The following CDK14 variants were observed in gnomAD, a reference collection of about 807,000 sequenced individuals.
CDK14 encodes cyclin-dependent kinase 14.
Under a neutral mutation model 60.7 loss-of-function variants are expected in CDK14, and 34 were observed. That is an observed-to-expected ratio of 0.56 (90% confidence interval 0.43 to 0.75). CDK14 has a LOEUF of 0.75. CDK14 is among the 30% of genes least tolerant of loss of function. The pLI, the probability that CDK14 is intolerant of heterozygous loss-of-function variation, is 0.00. For synonymous variants in CDK14, 197 were observed against 203.7 expected (o/e 0.97, Z 0.28); for missense variants, 482 against 564.1 (o/e 0.85, Z 1.47).
chr7:90,838,971 A>G (rs756896907), intron 5 of CDK14, among the ~76,000 whole-genome samples: 20 of 152,108 alleles, frequency 1.3e-4, no homozygotes, highest in Admixed American at 2.6e-4. Context: ...GAAATCCCTA[A>G]TAAAAACTTG....
At chr7:90,885,624 A>G (rs1308432660) in intron 6 of CDK14, among the ~76,000 whole-genome samples, 1 of 152,230 alleles carries the variant, frequency 6.6e-6, no homozygotes, top group South Asian at 2.1e-4. Flanking sequence ...ACATATGTTT[A>G]TTGCAGCACT....
chr7:90,905,370 A>C (rs1316276984), intron 7 of CDK14, among the ~76,000 whole-genome samples: 1 of 152,198 alleles, frequency 6.6e-6, no homozygotes, highest in Non-Finnish European at 1.5e-5. Context: ...AAACAAACTG[A>C]CAAACAAAAG....
At chr7:91,200,998 T>A (rs4727251) in intron 14 of CDK14, among the ~76,000 whole-genome samples, 130,581 of 152,120 alleles carry the variant, frequency 0.86, 56,344 homozygotes, top group East Asian at 1. Context: ...TGGCACAAAG[T>A]TATCCTAATT....
Position 91,184,505 on chromosome 7 carries a change from G to A in CDK14, c.*29-22660G>A, listed in dbSNP as rs528192929. On this transcript the variant is annotated intron_variant, in intron 14 of 14. Coordinates refer to ENST00000380050, the MANE Select transcript of CDK14 (RefSeq NM_001287135.2). ...GGAAAATTGTCCAAAGGGGACCAAG[G>A]CCCAAATGAAGGGAAAGCTGAGAGT... Among the ~76,000 whole-genome samples, 9 of 152,278 alleles carry A rather than the reference G, an allele frequency of 5.9e-5. No individual in the cohort carries two copies. The East Asian group carries it at 7.7e-4, about 13-fold the overall frequency.
At chr7:90,870,305 C>T (rs1002125685) in intron 6 of CDK14, among the ~76,000 whole-genome samples, 1 of 152,050 alleles carries the variant, frequency 6.6e-6, no homozygotes, top group African/African-American at 2.4e-5. Context: ...AACACATGGA[C>T]ACATAGAGGG....
intron 8 of CDK14, among the ~76,000 whole-genome samples, chr7:90,955,010 G>A (rs909410148): frequency 1.7e-4 from 25 of 150,814 alleles, no homozygotes; most frequent in African/African-American, 4.4e-4. Context: ...GTCAAATTGC[G>A]TATACCTTTT....
chr7:91,185,138 GGGGGACTCA>G (rs1450539202), intron 14 of CDK14, among the ~76,000 whole-genome samples: 1 of 147,448 alleles, frequency 6.8e-6, no homozygotes, highest in African/African-American at 2.5e-5. Flanking sequence ...TTCTAGACCC[GGGGGACTCA>G]GTGGTGAATA....
intron 5 of CDK14, among the ~76,000 whole-genome samples, chr7:90,845,424 G>C (rs965142372): frequency 1.1e-4 from 17 of 151,196 alleles, no homozygotes; most frequent in African/African-American, 3.9e-4. Context: ...GAAATATTCT[G>C]GGGGAAATTT....
intron 10 of CDK14, among the ~76,000 whole-genome samples, chr7:91,043,228 A>G (rs1172245948): frequency 6.6e-6 from 1 of 152,266 alleles, no homozygotes; most frequent in Non-Finnish European, 1.5e-5. Context: ...TAACGCAAGC[A>G]TTGTAGAAAC....
intron 7 of CDK14, among the ~76,000 whole-genome samples, chr7:90,913,758 G>A (rs1389442913): frequency 6.6e-6 from 1 of 152,170 alleles, no homozygotes; most frequent in Non-Finnish European, 1.5e-5. Flanking sequence ...TTCAGTTAAT[G>A]GAAACTCAGG....
intron 10 of CDK14, among the ~76,000 whole-genome samples, chr7:91,015,963 T>C (rs1402734224): frequency 6.6e-6 from 1 of 152,166 alleles, no homozygotes; most frequent in African/African-American, 2.4e-5. Context: ...ATATTTCTCA[T>C]TTAAAGTAAT....
At chr7:90,995,994 A>T (rs1562861285) in intron 10 of CDK14, among the ~76,000 whole-genome samples, 1 of 152,318 alleles carries the variant, frequency 6.6e-6, no homozygotes, top group East Asian at 1.9e-4. Context: ...TGACAACCTT[A>T]AAACCTAGAT....
intron 8 of CDK14, among the ~76,000 whole-genome samples, chr7:90,919,435 T>C (rs1793177235): frequency 6.6e-6 from 1 of 152,178 alleles, no homozygotes; most frequent in Non-Finnish European, 1.5e-5. Context: ...AAAACTGACA[T>C]TTTAAAATAT....
intron 3 of CDK14, 47 bp from the exon 4 acceptor site, chr7:90,747,630 GTTAA>G (rs2116808846): frequency 1.9e-6 from 2 of 1,043,534 alleles, no homozygotes; most frequent in Non-Finnish European, 2.9e-6. Flanking sequence ...GGTATTTGTT[GTTAA>G]TTAATTTGAT....
chr7:91,112,780 G>A lies in CDK14; in HGVS notation c.1294+99G>A, dbSNP rs1324006473. 4.7e-6 allele frequency: 6 copies of A among 1,265,750 alleles called. No homozygotes were observed. In the African/African-American group the frequency reaches 7.3e-5, roughly 15 times the overall value. 78.4% of individuals were successfully genotyped at this position (1,265,750 alleles called of 1,614,324 possible). A position where few individuals can be genotyped will look rare whatever the true frequency, so the allele number is the denominator to read the frequency against. On this transcript the variant is annotated intron_variant, in intron 13 of 14. Transcript: ENST00000380050. ...TATGCAGAGATTCACATATTTGTGT[G>A]TCCACAAACATAAGATAATGTATGT...
chr7:90,618,679 C>G (rs1799702551), intron 2 of CDK14, among the ~76,000 whole-genome samples: 1 of 152,160 alleles, frequency 6.6e-6, no homozygotes, highest in Non-Finnish European at 1.5e-5. Flanking sequence ...GCTATTAGAG[C>G]ACAGAATTAT....
intron 5 of CDK14, among the ~76,000 whole-genome samples, chr7:90,795,993 AAGC>A (rs1788411668): frequency 1.3e-5 from 2 of 152,170 alleles, no homozygotes; most frequent in African/African-American, 4.8e-5. Flanking sequence ...GGTGTGAGGC[AAGC>A]TCCTGAGGCA....
chr7:90,897,355 C>A (rs932182686), intron 6 of CDK14, among the ~76,000 whole-genome samples: 1 of 152,028 alleles, frequency 6.6e-6, no homozygotes, highest in Non-Finnish European at 1.5e-5. Flanking sequence ...TGAGATTTTA[C>A]ATTTTTAATA....
At chr7:90,727,316 C>T (rs547563750) in intron 3 of CDK14, among the ~76,000 whole-genome samples, 1 of 152,066 alleles carries the variant, frequency 6.6e-6, no homozygotes, top group African/African-American at 2.4e-5. Flanking sequence ...AAGCCCTGTA[C>T]TGAATGGAAA....
Sources: allele counts gnomAD v4.1 joint callset (sites outside exome capture counted in the v4.1 genomes callset), GRCh38; gene constraint gnomAD v4.1.1; transcripts MANE v1.5; gene names NCBI Gene and HGNC (gene_info 2026-07-23, HGNC 2026-07-21).